CAB39: variants seen among roughly 807,000 people sequenced by gnomAD.
CAB39 encodes calcium binding protein 39.
Under a neutral mutation model 40.0 loss-of-function variants are expected in CAB39, and 8 were observed. The ratio of observed to expected loss-of-function variants is 0.20; its 90% CI spans 0.12 to 0.36. The LOEUF (loss-of-function observed/expected upper bound fraction) is 0.36, where lower values mean the gene tolerates loss of function less well. Among genes scored for constraint, CAB39 ranks in the 10% least tolerant of loss-of-function variants. CAB39 has a pLI of 1.00. For missense variants in CAB39, 270 were observed against 401.1 expected (o/e 0.67, Z 2.79); for synonymous variants, 156 against 141.6 (o/e 1.10, Z -0.72).
chr2:230,799,359 C>G (rs1277174223), intron 5 of CAB39, among the ~76,000 whole-genome samples: 1 of 152,204 alleles, frequency 6.6e-6, no homozygotes, highest in Non-Finnish European at 1.5e-5. Context: ...CCCGAGGAAA[C>G]AGTGGATTCA....
intron 2 of CAB39, among the ~76,000 whole-genome samples, chr2:230,775,781 C>A (rs1412501904): frequency 6.6e-6 from 1 of 152,238 alleles, no homozygotes; most frequent in East Asian, 1.9e-4. Flanking sequence ...TTGATTGAAT[C>A]CACAGACATT....
intron 1 of CAB39, among the ~76,000 whole-genome samples, chr2:230,721,632 T>C (rs1694455416): frequency 6.6e-6 from 1 of 152,190 alleles, no homozygotes; most frequent in Non-Finnish European, 1.5e-5. Context: ...TTGTGTTTTG[T>C]AGACTGCCAG....
chr2:230,766,743 G>GTTGCCCACATTGTTCACAATGTTGCCCA (rs1425871848), intron 2 of CAB39, among the ~76,000 whole-genome samples: 1 of 152,160 alleles, frequency 6.6e-6, no homozygotes, highest in African/African-American at 2.4e-5. Flanking sequence ...TGCCCAGGCT[G>GTTGCCCACATTGTTCACAATGTTGCCCA]GCCTTGAACT....
At chr2:230,803,066 T>C (rs1271691773) in intron 5 of CAB39, among the ~76,000 whole-genome samples, 3 of 152,184 alleles carry the variant, frequency 2.0e-5, no homozygotes, top group African/African-American at 7.2e-5. Context: ...CACGATCAAG[T>C]GGGCTTCATC....
At chr2:230,762,542 A>G (rs1176405618) in intron 2 of CAB39, among the ~76,000 whole-genome samples, 1 of 152,336 alleles carries the variant, frequency 6.6e-6, no homozygotes, top group Admixed American at 6.5e-5. Flanking sequence ...GGGAGAGAGC[A>G]GACCCCACAG....
chr2:230,806,545 C>T (rs758531220), intron 5 of CAB39, among the ~76,000 whole-genome samples: 12 of 152,140 alleles, frequency 7.9e-5, no homozygotes, highest in Non-Finnish European at 1.5e-4. Context: ...GACTCAGAAC[C>T]CTGTCATTCG....
intron 2 of CAB39, among the ~76,000 whole-genome samples, chr2:230,762,681 G>C (rs550770777): frequency 1.3e-5 from 2 of 152,310 alleles, no homozygotes; most frequent in African/African-American, 4.8e-5. Context: ...TCTTTTGTCT[G>C]TGGCTAAATA....
chr2:230,714,679 C>T (rs1694318061), intron 1 of CAB39, among the ~76,000 whole-genome samples: 1 of 152,084 alleles, frequency 6.6e-6, no homozygotes, highest in Admixed American at 6.5e-5. Context: ...CTGTAGAAAG[C>T]CAGACGTAGA....
chr2:230,800,660 G>A (rs543596914), intron 5 of CAB39, among the ~76,000 whole-genome samples: 17 of 152,264 alleles, frequency 1.1e-4, no homozygotes, highest in African/African-American at 3.9e-4. Context: ...GAGGGTGGCA[G>A]TACTCTGGCC....
intron 1 of CAB39, among the ~76,000 whole-genome samples, chr2:230,742,210 T>C (rs896492391): frequency 1.3e-5 from 2 of 152,198 alleles, no homozygotes; most frequent in Non-Finnish European, 2.9e-5. Context: ...AGTCTTGCTC[T>C]GTCGCCCAGG....
At chr2:230,731,725 G>T in intron 1 of CAB39, among the ~76,000 whole-genome samples, 1 of 152,238 alleles carries the variant, frequency 6.6e-6, no homozygotes, top group East Asian at 1.9e-4. Flanking sequence ...TCTTGAACTG[G>T]CCTTAGGCAA....
At chr2:230,715,330 T>C (rs1694329334) in intron 1 of CAB39, among the ~76,000 whole-genome samples, 1 of 152,230 alleles carries the variant, frequency 6.6e-6, no homozygotes, top group African/African-American at 2.4e-5. Flanking sequence ...TTGTTTGAAG[T>C]ATGTTTCTTT....
At chr2:230,807,109 G>A (rs1444430464) in intron 5 of CAB39, among the ~76,000 whole-genome samples, 1 of 152,116 alleles carries the variant, frequency 6.6e-6, no homozygotes, top group Non-Finnish European at 1.5e-5. Context: ...CCCCTCTGCT[G>A]ACTGACCTAG....
intron 2 of CAB39, among the ~76,000 whole-genome samples, chr2:230,783,628 A>T (rs1695736659): frequency 1.4e-5 from 2 of 141,994 alleles, no homozygotes; most frequent in African/African-American, 5.4e-5. Flanking sequence ...CCTCCCAAGT[A>T]GCTGGGACCA....
chr2:230,734,804 C>CG (rs1190969479), intron 1 of CAB39, among the ~76,000 whole-genome samples: 1 of 123,536 alleles, frequency 8.1e-6, no homozygotes, highest in Non-Finnish European at 1.6e-5. Flanking sequence ...GCATTCCACC[C>CG]CGACGAAGGA....
intron 1 of CAB39, among the ~76,000 whole-genome samples, chr2:230,741,865 A>G (rs1367063768): frequency 6.6e-6 from 1 of 152,230 alleles, no homozygotes; most frequent in Non-Finnish European, 1.5e-5. Flanking sequence ...GGCTAACTGG[A>G]GAAAAGTCAC....
chr2:230,770,733 C>G (rs1037564441), intron 2 of CAB39, among the ~76,000 whole-genome samples: 4 of 152,040 alleles, frequency 2.6e-5, no homozygotes, highest in African/African-American at 9.7e-5. Flanking sequence ...GGATTTATTC[C>G]TAGAATGCAG....
At chr2:230,721,090 T>TA (rs746596727) in intron 1 of CAB39, among the ~76,000 whole-genome samples, 2 of 152,212 alleles carry the variant, frequency 1.3e-5, no homozygotes, top group Non-Finnish European at 2.9e-5. Context: ...AGTATAATAA[T>TA]ACGTTCTTTC....
intron 5 of CAB39, among the ~76,000 whole-genome samples, chr2:230,804,641 A>C (rs189716708): frequency 3.3e-5 from 5 of 152,366 alleles, no homozygotes; most frequent in African/African-American, 9.6e-5. Context: ...CAGACACATG[A>C]AAAAATGCTC....
Sources: gnomAD v4.1 joint callset for allele counts (sites outside exome capture counted in the v4.1 genomes callset) on GRCh38, gnomAD v4.1.1 for gene constraint, MANE v1.5 for transcripts, NCBI Gene and HGNC (gene_info 2026-07-23, HGNC 2026-07-21) for gene names.